ANKRD24: variants seen among roughly 807,000 people sequenced by gnomAD.
ANKRD24 encodes ankyrin repeat domain 24, also known as ankyrin repeat domain-containing protein 24.
ANKRD24 carries 109 observed loss-of-function variants against 127.8 expected under a neutral mutation model. That is an observed-to-expected ratio of 0.85 (90% CI 0.73 to 1.00). The LOEUF is 1.00. Among genes scored for constraint, ANKRD24 ranks in the 50% least tolerant of loss-of-function variants. ANKRD24 has a pLI of 0.00. For missense variants in ANKRD24, 1,648 were observed against 1,570.2 expected (o/e 1.05, Z -0.84); for synonymous variants, 743 against 671.1 (o/e 1.11, Z -1.66).
At chr19:4,185,593 C>T (rs1266796978) in intron 1 of ANKRD24, among the ~76,000 whole-genome samples, 1 of 152,216 alleles carries the variant, frequency 6.6e-6, no homozygotes, top group East Asian at 1.9e-4. Context: ...GAACGTAGAA[C>T]AGGCCCAGGT....
intron 16 of ANKRD24, 50 bp from the exon 17 acceptor site, chr19:4,216,234 G>A (rs747181502): frequency 1.3e-5 from 20 of 1,514,316 alleles, no homozygotes. Context: ...CCCACCTCCT[G>A]TCCCCCTGTG....
intron 1 of ANKRD24, among the ~76,000 whole-genome samples, chr19:4,183,862 C>T (rs1228686617): frequency 1.3e-5 from 2 of 152,078 alleles, no homozygotes; most frequent in East Asian, 1.9e-4. Flanking sequence ...AGCCGGAGAT[C>T]GCGCCATTGC....
intron 7 of ANKRD24, 29 bp downstream of exon 7, chr19:4,202,955 C>G: frequency 1.3e-6 from 2 of 1,533,710 alleles, no homozygotes; most frequent in Non-Finnish European, 1.8e-6. Flanking sequence ...TGCCCTGACC[C>G]CGAAGCCCAG....
intron 20 of ANKRD24, 83 bp downstream of exon 20, chr19:4,222,878 G>A: frequency 2.8e-6 from 4 of 1,409,744 alleles, no homozygotes; most frequent in Admixed American, 2.7e-5. Flanking sequence ...GCGCAGGTGG[G>A]AATCCCAGGA....
intron 7 of ANKRD24, among the ~76,000 whole-genome samples, chr19:4,206,244 C>T (rs1247422630): frequency 6.6e-6 from 1 of 151,508 alleles, no homozygotes; most frequent in African/African-American, 2.4e-5. Flanking sequence ...CCTATAATCC[C>T]AGCACTTTGG....
rs914839445 is a variant in ANKRD24, at chr19:4,213,366, TTTC to T, written c.1197+672_1197+674del. On this transcript the variant is annotated intron_variant, in intron 15 of 21. Transcript: ENST00000318934. ...TCCTTCCTTCGTTTTCCTTCCCTTC[TTTC>T]TTCCTTTCCTTCTTCCTTCCCTTCC... 2.6e-4 allele frequency among the ~76,000 whole-genome samples: 39 copies of T among 148,928 alleles called. 1 individual carries two copies. Among genetic ancestry groups the T allele is most frequent in the Admixed American group, 1.3e-3 (20 of 14,864 alleles).
intron 2 of ANKRD24, among the ~76,000 whole-genome samples, chr19:4,189,562 T>C (rs1029641283): frequency 6.6e-6 from 1 of 151,766 alleles, no homozygotes; most frequent in Non-Finnish European, 1.5e-5. Context: ...CTAAGTTTTT[T>C]TTTTTAAGAG....
At chr19:4,205,003 T>C (rs911006708) in intron 7 of ANKRD24, among the ~76,000 whole-genome samples, 24 of 151,982 alleles carry the variant, frequency 1.6e-4, no homozygotes, top group African/African-American at 5.6e-4. Context: ...TTTGGGAGCC[T>C]GAGGCGGGCG....
chr19:4,222,650 G>A lies in ANKRD24; in HGVS notation c.3172-20G>A, dbSNP rs748011961. 7.6e-6 allele frequency: 12 copies of A among 1,586,996 alleles called. No individual in the cohort carries two copies. In the South Asian group the frequency reaches 1.3e-4, roughly 18 times the overall value. Reference sequence around the variant, plus strand: ...CAGCTCTGGGCTTAGGGTGATCGCTGACAGCACCTGCACCCTCAGATCACA... The same window carrying A: ...CAGCTCTGGGCTTAGGGTGATCGCTAACAGCACCTGCACCCTCAGATCACA... On this transcript the variant is annotated intron_variant, in intron 19 of 21. Coordinates refer to ENST00000318934, the MANE Select transcript of ANKRD24 (RefSeq NM_001393985.1).
chr19:4,204,858 C>T (rs1038244733), intron 7 of ANKRD24, among the ~76,000 whole-genome samples: 2 of 152,210 alleles, frequency 1.3e-5, no homozygotes, highest in African/African-American at 4.8e-5. Flanking sequence ...ACTGAGCACT[C>T]TGGGAGGCCC....
In ANKRD24 at chr19:4,217,766, C is replaced by T. The variant is rs199645648; in HGVS notation, c.2606C>T (p.Thr869Met). 3.5e-3 allele frequency: 4,593 copies of T among 1,302,786 alleles called. 16 individuals carry two copies. The highest frequency in any genetic ancestry group is 4.1e-3 in the Non-Finnish European group (4,195 of 1,029,308). 80.7% of individuals were successfully genotyped at this position (1,302,786 alleles called of 1,614,324 possible). Residue 869 changes from threonine (T) to methionine (M), a missense_variant, in exon 18 of 22, where the codon ACG (threonine) becomes ATG (methionine). Physicochemically the swap from Thr to Met is moderately conservative, Grantham distance 81. Transcript: ENST00000318934. ...AGGGCCACGGGGGAGCAGCAGCGCA[C>T]GGCGGCCGCGGAACTGGGCCGGGCA... Reference protein sequence around the residue: ...TARATGEQQRTAAAELGRARD... With the variant: ...TARATGEQQRMAAAELGRARD...
At chr19:4,224,388 A>G (rs1387363454) in intron 21 of ANKRD24, 40 bp from the exon 22 acceptor site, 1 of 1,598,304 alleles carries the variant, frequency 6.3e-7, no homozygotes, top group Admixed American at 1.7e-5. Context: ...GCAGCCATGG[A>G]GGGTATACTC....
At position 4,212,657 on chromosome 19, in the gene ANKRD24, C is replaced by T. The variant is rs768476828; in HGVS notation, c.1156C>T (p.Arg386Trp). 29 of 1,547,554 alleles carry T rather than the reference C, an allele frequency of 1.9e-5. No individual in the cohort carries two copies. Among genetic ancestry groups the T allele is most frequent in the African/African-American group, 9.6e-5 (7 of 72,888 alleles). The change falls in exon 15 of 22, where the codon CGG (arginine) becomes TGG (tryptophan). Residue 386 changes from arginine to tryptophan, a missense_variant. Transcript: ENST00000318934. ...ERQEEKESLG[R>W]EVESLQSRLS... ...ACAAGAGGAGAAGGAGAGCCTGGGA[C>T]GGGAGGTGGAGAGTTTGCAGAGCCG...
chr19:4,208,090 CT>C, intron 10 of ANKRD24, 122 bp downstream of exon 10: 1 of 1,040,662 alleles, frequency 9.6e-7, no homozygotes, highest in Non-Finnish European at 1.3e-6. Context: ...GGTCCTAGAG[CT>C]TACCCAATTC....
chr19:4,197,980 G>A (rs1487469387), intron 2 of ANKRD24, among the ~76,000 whole-genome samples: 1 of 152,220 alleles, frequency 6.6e-6, no homozygotes, highest in Non-Finnish European at 1.5e-5. Context: ...TGAACGAATG[G>A]GCGAACGAAT....
At position 4,216,974 on chromosome 19, in the gene ANKRD24, A is replaced by G. The variant is rs1376777012; in HGVS notation, c.1814A>G (p.Glu605Gly). 2.5e-6 allele frequency: 4 copies of G among 1,613,118 alleles called. No homozygotes were observed. Among genetic ancestry groups the G allele is most frequent in the Non-Finnish European group, 3.4e-6 (4 of 1,179,592 alleles). ...ACAGAAACAAAACCCACAGGGGCTG[A>G]GGTCAGAGAAATGGAGACCACAGAA... ...KVTETKPTGAEVREMETTEEE... is the reference protein window; with the variant it reads ...KVTETKPTGAGVREMETTEEE... The change falls in exon 18 of 22, where the codon GAG (glutamate) becomes GGG (glycine). Residue 605 changes from glutamate to glycine, a missense_variant. Coordinates refer to ENST00000318934, the MANE Select transcript of ANKRD24 (RefSeq NM_001393985.1).
chr19:4,210,496 C>A, intron 13 of ANKRD24, 124 bp downstream of exon 13: 1 of 863,388 alleles, frequency 1.2e-6, no homozygotes, highest in Non-Finnish European at 1.8e-6. Context: ...CCTGCTGCAG[C>A]CACCTGGGCC....
chr19:4,183,285 A>G (rs1967847493), intron 1 of ANKRD24: 2 of 985,960 alleles, frequency 2.0e-6, no homozygotes, highest in East Asian at 1.1e-4. Flanking sequence ...CGGCCAAGTT[A>G]TCTGAGTATC....
rs1968952621 is a variant in ANKRD24, at chr19:4,199,382, T to C, written c.37-301T>C. The C allele has an allele frequency of 2.1e-6, 1 of 478,728 alleles. No homozygotes were observed. 29.7% of individuals were successfully genotyped at this position (478,728 alleles called of 1,614,324 possible). ...TGAGCCACCATGCCCCGCTGATGATTTTTATTTTTTGTAGAGACGGGGTCC... is the reference window on the plus strand; with the variant it reads ...TGAGCCACCATGCCCCGCTGATGATCTTTATTTTTTGTAGAGACGGGGTCC... On this transcript the variant is annotated intron_variant, in intron 2 of 21. Transcript: ENST00000318934. This position sits in a 1 kb window ranked among gnomAD's most constrained non-coding sequence, Gnocchi z 5.2.
Sources: gnomAD v4.1 joint callset for allele counts (sites outside exome capture counted in the v4.1 genomes callset) on GRCh38, gnomAD v4.1.1 for gene constraint, Gnocchi (gnomAD v3.1) non-coding constraint, MANE v1.5 for transcripts, NCBI Gene and HGNC (gene_info 2026-07-23, HGNC 2026-07-21) for gene names.